The following LHFPL3 variants were observed in gnomAD, a reference collection of about 807,000 sequenced individuals.
LHFPL3 encodes the protein LHFPL tetraspan subfamily member 3 protein.
Under a neutral mutation model 19.3 loss-of-function variants are expected in LHFPL3, and 5 were observed. The observed-to-expected ratio is 0.26, with a 90% CI of 0.14 to 0.54. The LOEUF (loss-of-function observed/expected upper bound fraction) is 0.54. LHFPL3 is among the 20% of genes least tolerant of loss of function. The probability of loss-of-function intolerance (pLI) is 0.94; values close to 1 mark genes in which losing one functional copy is unlikely to be tolerated. For synonymous variants in LHFPL3, 133 were observed against 126.2 expected (o/e 1.05, Z -0.36); for missense variants, 249 against 307.4 (o/e 0.81, Z 1.42).
At chr7:104,874,104 T>C (rs541662351) in intron 2 of LHFPL3, among the ~76,000 whole-genome samples, 115 of 152,336 alleles carry the variant, frequency 7.5e-4, no homozygotes, top group South Asian at 3.7e-3. Context: ...ATGTCATCTA[T>C]AGGTAGCTGG....
chr7:104,428,688 A>G (rs1791894433), intron 1 of LHFPL3, among the ~76,000 whole-genome samples: 1 of 152,234 alleles, frequency 6.6e-6, no homozygotes, highest in South Asian at 2.1e-4. Flanking sequence ...TTTATAAAAT[A>G]ACTTGAAAAC....
At chr7:104,616,992 C>T (rs1417094885) in intron 1 of LHFPL3, among the ~76,000 whole-genome samples, 3 of 152,084 alleles carry the variant, frequency 2.0e-5, no homozygotes, top group Non-Finnish European at 4.4e-5. Flanking sequence ...ATTAAAAAGT[C>T]AAGAAACAAC....
intron 2 of LHFPL3, among the ~76,000 whole-genome samples, chr7:104,802,080 C>T (rs1365346532): frequency 6.6e-6 from 1 of 152,032 alleles, no homozygotes; most frequent in African/African-American, 2.4e-5. Context: ...TTGCTGTCTC[C>T]CCAAAATTTT....
chr7:104,378,140 TG>T (rs1319630498), intron 1 of LHFPL3, among the ~76,000 whole-genome samples: 1 of 152,158 alleles, frequency 6.6e-6, no homozygotes, highest in African/African-American at 2.4e-5. Context: ...ACCTAGTAGG[TG>T]TATGTATTTA....
At chr7:104,814,698 C>G (rs898957774) in intron 2 of LHFPL3, among the ~76,000 whole-genome samples, 8 of 152,238 alleles carry the variant, frequency 5.3e-5, no homozygotes, top group African/African-American at 1.9e-4. Context: ...CTTCCCTCAT[C>G]TCACCCTCAG....
At chr7:104,827,715 C>A (rs957917359) in intron 2 of LHFPL3, among the ~76,000 whole-genome samples, 8 of 151,258 alleles carry the variant, frequency 5.3e-5, no homozygotes, top group African/African-American at 1.7e-4. Context: ...TTATTTGTGT[C>A]TTTTGTTATG....
chr7:104,382,476 G>A (rs1162015960), intron 1 of LHFPL3, among the ~76,000 whole-genome samples: 1 of 152,190 alleles, frequency 6.6e-6, no homozygotes, highest in Non-Finnish European at 1.5e-5. Context: ...AAAACCACTG[G>A]TCTGGTTACC....
At chr7:104,616,424 T>C (rs1327603779) in intron 1 of LHFPL3, among the ~76,000 whole-genome samples, 1 of 152,200 alleles carries the variant, frequency 6.6e-6, no homozygotes, top group East Asian at 1.9e-4. Flanking sequence ...CTGGGAAAAC[T>C]GGCTAGCCAT....
chr7:104,535,996 AT>A (rs1466766609), intron 1 of LHFPL3, among the ~76,000 whole-genome samples: 1 of 152,182 alleles, frequency 6.6e-6, no homozygotes, highest in African/African-American at 2.4e-5. Context: ...GGAGTGTGCC[AT>A]CACTGCCCTA....
chr7:104,384,666 A>G (rs1028132274), intron 1 of LHFPL3, among the ~76,000 whole-genome samples: 4 of 151,926 alleles, frequency 2.6e-5, no homozygotes, highest in Non-Finnish European at 5.9e-5. Context: ...ACATGCCTGT[A>G]ATGCCAGCTA....
chr7:104,434,594 TA>T (rs1318751402), intron 1 of LHFPL3, among the ~76,000 whole-genome samples: 2 of 152,232 alleles, frequency 1.3e-5, no homozygotes, highest in Non-Finnish European at 2.9e-5. Flanking sequence ...CACCATGGCA[TA>T]TTTATACCTA....
intron 1 of LHFPL3, among the ~76,000 whole-genome samples, chr7:104,519,549 C>T (rs1275657833): frequency 6.6e-6 from 1 of 152,128 alleles, no homozygotes; most frequent in Non-Finnish European, 1.5e-5. Context: ...GGGAAACTGG[C>T]ACCTTTAAAA....
chr7:104,817,423 A>G (rs1790576077), intron 2 of LHFPL3, among the ~76,000 whole-genome samples: 1 of 152,258 alleles, frequency 6.6e-6, no homozygotes, highest in South Asian at 2.1e-4. Flanking sequence ...TTTCTTGTTC[A>G]TTGGGAAGTT....
chr7:104,581,928 C>T (rs1377952136), intron 1 of LHFPL3, among the ~76,000 whole-genome samples: 1 of 151,904 alleles, frequency 6.6e-6, no homozygotes, highest in Non-Finnish European at 1.5e-5. Context: ...AGTCCTTTAA[C>T]TTTCTTCTTA....
chr7:104,650,715 C>T (rs1025904634), intron 1 of LHFPL3, among the ~76,000 whole-genome samples: 2 of 152,044 alleles, frequency 1.3e-5, no homozygotes. Context: ...AAAAAAAACA[C>T]AGTTGGATGG....
intron 1 of LHFPL3, among the ~76,000 whole-genome samples, chr7:104,596,556 A>G (rs1198873575): frequency 6.6e-6 from 1 of 152,224 alleles, no homozygotes; most frequent in Non-Finnish European, 1.5e-5. Context: ...AATGATTAGG[A>G]AATTAAAACC....
chr7:104,495,224 T>C (rs531097804), intron 1 of LHFPL3, among the ~76,000 whole-genome samples: 121 of 152,300 alleles, frequency 7.9e-4, no homozygotes, highest in Non-Finnish European at 1.2e-3. Context: ...TTTTTCTTTT[T>C]AGAGACAGAG....
chr7:104,439,946 G>A (rs113982630), intron 1 of LHFPL3, among the ~76,000 whole-genome samples: 16 of 147,038 alleles, frequency 1.1e-4, no homozygotes, highest in African/African-American at 3.5e-4. Context: ...TCTAGGAAAG[G>A]AGCTACAACC....
chr7:104,642,677 C>T lies in LHFPL3; in HGVS notation c.446-93998C>T, dbSNP rs529138824. On this transcript the variant is annotated intron_variant, in intron 1 of 2. Coordinates refer to ENST00000424859, the MANE Select transcript of LHFPL3 (RefSeq NM_199000.3). ...TGCAGAAATACAGCCACTGCTTGCC[C>T]TCCTCTCTGGTTCCTTCCCATAGCC... is the stretch of plus-strand genomic sequence containing the variant. 2.0e-5 allele frequency among the ~76,000 whole-genome samples: 3 copies of T among 152,284 alleles called. No homozygotes were observed. The South Asian group carries it at 6.2e-4, about 32-fold the overall frequency.
Sources: gnomAD v4.1 joint callset for allele counts (sites outside exome capture counted in the v4.1 genomes callset) on GRCh38, gnomAD v4.1.1 for gene constraint, MANE v1.5 for transcripts, NCBI Gene and HGNC (gene_info 2026-07-23, HGNC 2026-07-21) for gene names.